Variants in NRG3 observed in about 807,000 individuals in gnomAD.
NRG3 encodes the protein pro-neuregulin-3, membrane-bound isoform.
In NRG3, 31 loss-of-function variants were observed where a neutral mutation model predicts 66.9. The ratio of observed to expected loss-of-function variants is 0.46; its 90% CI spans 0.35 to 0.63. The LOEUF (loss-of-function observed/expected upper bound fraction) is 0.63, where lower values mean the gene tolerates loss of function less well. Ranked by LOEUF, NRG3 falls within the 20% of genes least tolerant of loss-of-function variation. The probability of loss-of-function intolerance (pLI) is 0.00; values close to 1 mark genes in which losing one functional copy is unlikely to be tolerated. For missense variants in NRG3, 910 were observed against 878.9 expected (o/e 1.04, Z -0.45); for synonymous variants, 393 against 359.4 (o/e 1.09, Z -1.06).
chr10:82,632,617 G>T (rs1030167015), intron 2 of NRG3, among the ~76,000 whole-genome samples: 5 of 151,872 alleles, frequency 3.3e-5, no homozygotes, highest in Non-Finnish European at 5.9e-5. Context: ...GGTAATCTTC[G>T]CAAAAGAGAA....
At chr10:81,888,813 A>T (rs766172961) in intron 1 of NRG3, among the ~76,000 whole-genome samples, 1 of 152,158 alleles carries the variant, frequency 6.6e-6, no homozygotes, top group South Asian at 2.1e-4. Context: ...CAAGGAAGTG[A>T]TACAATATCT....
chr10:82,460,898 C>T (rs2091482189), intron 2 of NRG3, among the ~76,000 whole-genome samples: 1 of 152,172 alleles, frequency 6.6e-6, no homozygotes, highest in South Asian at 2.1e-4. Context: ...TTTCCTTCTC[C>T]ATTTGTCATA....
At chr10:81,974,727 G>T (rs141812041) in intron 1 of NRG3, among the ~76,000 whole-genome samples, 1 of 152,026 alleles carries the variant, frequency 6.6e-6, no homozygotes, top group East Asian at 1.9e-4. Context: ...AAAAAGTCAC[G>T]CATCTATACT....
Position 81,875,435 on chromosome 10 carries a change from C to CAGCGGCGGG in NRG3, c.96_104dup (p.Ala33_Gly35dup), listed in dbSNP as rs1251342596. The CAGCGGCGGG allele has an allele frequency of 8.7e-7, 1 of 1,153,346 alleles. No homozygotes were observed. The highest frequency in any genetic ancestry group is 1.6e-5 in the African/African-American group (1 of 61,158). The allele number at this position is 1,153,346 out of a possible 1,614,324, so 71.4% of individuals were successfully genotyped here. ...GGCACCGCGGCGGCTGCGGCGGCGGCAGCGGCGGGCGGGGGCCCGGACGGC... is the reference window on the plus strand; with the variant it reads ...GGCACCGCGGCGGCTGCGGCGGCGGCAGCGGCGGGAGCGGCGGGCGGGGGCCCGGACGGC... On this transcript the variant is annotated inframe_insertion, in exon 1 of 9. Transcript: ENST00000372141. This position sits in a 1 kb window ranked among gnomAD's most constrained non-coding sequence, Gnocchi z 5.3.
intron 4 of NRG3, among the ~76,000 whole-genome samples, chr10:82,938,504 C>G (rs182469751): frequency 6.6e-6 from 1 of 152,246 alleles, no homozygotes; most frequent in African/African-American, 2.4e-5. Flanking sequence ...AGCCACAGGG[C>G]TCTCAGCCTG....
chr10:82,700,427 T>C (rs913552273), intron 2 of NRG3, among the ~76,000 whole-genome samples: 14 of 152,132 alleles, frequency 9.2e-5, no homozygotes, highest in African/African-American at 3.1e-4. Flanking sequence ...TCTCCAATAG[T>C]TGGAGGTGGA....
chr10:81,897,094 A>G (rs1259322814), intron 1 of NRG3, among the ~76,000 whole-genome samples: 3 of 152,208 alleles, frequency 2.0e-5, no homozygotes, highest in Non-Finnish European at 4.4e-5. Context: ...CAGAAACGGC[A>G]ATACCTGAAA....
chr10:82,967,615 T>A (rs2132525955), intron 6 of NRG3, among the ~76,000 whole-genome samples: 1 of 152,298 alleles, frequency 6.6e-6, no homozygotes, highest in African/African-American at 2.4e-5. Context: ...TTTTCCTCTC[T>A]TACGTGAGAC....
intron 1 of NRG3, among the ~76,000 whole-genome samples, chr10:82,136,400 G>A (rs1336921383): frequency 6.6e-6 from 1 of 152,106 alleles, no homozygotes; most frequent in East Asian, 1.9e-4. Flanking sequence ...AGCCAGGCGT[G>A]TGTCCTTCTC....
chr10:82,193,645 T>A (rs928101794), intron 1 of NRG3, among the ~76,000 whole-genome samples: 1 of 152,160 alleles, frequency 6.6e-6, no homozygotes, highest in African/African-American at 2.4e-5. Context: ...TTGCCATTGC[T>A]GGTTGACAGA....
chr10:82,116,201 G>A (rs1379240478), intron 1 of NRG3, among the ~76,000 whole-genome samples: 1 of 151,990 alleles, frequency 6.6e-6, no homozygotes, highest in Non-Finnish European at 1.5e-5. Flanking sequence ...AGGTGGATTT[G>A]ATGGCCTGAT....
At chr10:82,849,060 A>T (rs1485250963) in intron 3 of NRG3, among the ~76,000 whole-genome samples, 4 of 152,134 alleles carry the variant, frequency 2.6e-5, no homozygotes, top group African/African-American at 9.7e-5. Flanking sequence ...TTATTTGGAG[A>T]TGGAGGTCTT....
chr10:82,283,860 C>T (rs2079258436), intron 1 of NRG3, among the ~76,000 whole-genome samples: 1 of 152,064 alleles, frequency 6.6e-6, no homozygotes, highest in Admixed American at 6.6e-5. Context: ...TTTTTGACAA[C>T]CCAGAACATG....
intron 4 of NRG3, among the ~76,000 whole-genome samples, chr10:82,934,289 T>C (rs1021604876): frequency 6.6e-6 from 1 of 152,236 alleles, no homozygotes; most frequent in African/African-American, 2.4e-5. Context: ...ACTTAAATAC[T>C]CTACATACTT....
chr10:82,102,601 T>G (rs1237309263), intron 1 of NRG3, among the ~76,000 whole-genome samples: 1 of 151,832 alleles, frequency 6.6e-6, no homozygotes, highest in Non-Finnish European at 1.5e-5. Flanking sequence ...ATTATTGGCC[T>G]TTTGGGATAT....
At chr10:82,984,693 G>A in intron 8 of NRG3, 4 of 1,337,256 alleles carry the variant, frequency 3.0e-6, no homozygotes, top group Non-Finnish European at 4.2e-6. Flanking sequence ...TCGAGTTGAT[G>A]GAGTGGACTA....
At position 82,120,771 on chromosome 10, in the gene NRG3, A is replaced by G. The variant is rs112550143; in HGVS notation, c.824-237968A>G. ...GGTTTGCTTGGCATTTCTGTGGACT[A>G]ATATTGAATTCCATGGAGTCAGTTG... is the stretch of plus-strand genomic sequence containing the variant. On this transcript the variant is annotated intron_variant, in intron 1 of 8. Coordinates refer to ENST00000372141, the MANE Select transcript of NRG3 (RefSeq NM_001010848.4). Among the ~76,000 whole-genome samples the G allele has an allele frequency of 6.0e-3, 910 of 152,204 alleles. 6 individuals are homozygous for G. Among genetic ancestry groups the G allele is most frequent in the Middle Eastern group, 0.054 (16 of 294 alleles).
intron 2 of NRG3, among the ~76,000 whole-genome samples, chr10:82,513,770 A>G (rs1412740013): frequency 6.6e-6 from 1 of 152,048 alleles, no homozygotes; most frequent in Non-Finnish European, 1.5e-5. Context: ...ATAGAATGAG[A>G]CTCTGTCTCA....
intron 2 of NRG3, among the ~76,000 whole-genome samples, chr10:82,665,189 T>C (rs1425744984): frequency 6.6e-6 from 1 of 152,224 alleles, no homozygotes; most frequent in Non-Finnish European, 1.5e-5. Context: ...CTGATTTCTA[T>C]GTGCCCCTTC....
Sources: allele counts gnomAD v4.1 joint callset (sites outside exome capture counted in the v4.1 genomes callset), GRCh38; gene constraint gnomAD v4.1.1; non-coding constraint Gnocchi (gnomAD v3.1); transcripts MANE v1.5; gene names NCBI Gene and HGNC (gene_info 2026-07-23, HGNC 2026-07-21).